NCAPD2: variants seen among roughly 807,000 people sequenced by gnomAD.
The protein encoded by NCAPD2 is non-SMC condensin I complex subunit D2.
In NCAPD2, 100 loss-of-function variants were observed where a neutral mutation model predicts 164.5. The observed-to-expected ratio is 0.61, with a 90% CI of 0.52 to 0.72. NCAPD2 has a LOEUF of 0.72. Among genes scored for constraint, NCAPD2 ranks in the 30% least tolerant of loss-of-function variants. NCAPD2 has a pLI of 0.00. For missense variants in NCAPD2, 1,560 were observed against 1,749.2 expected (o/e 0.89, Z 1.93); for synonymous variants, 585 against 642.6 (o/e 0.91, Z 1.36).
chr12:6,495,143 G>A lies in NCAPD2; in HGVS notation c.45G>A (p.Glu15=). ...AGTTCCATCTGCCATTATCCCCAGA[G>A]GAGTTGTTGAAAAGTGGAGGGGTGA... ...MYEFHLPLSP[E]ELLKSGGVNQ... The change falls in exon 2 of 32, where the codon GAG becomes GAA. Residue 15 remains glutamate (E), a synonymous_variant. Transcript: ENST00000315579. 1.2e-6 allele frequency: 2 copies of A among 1,614,116 alleles called. No individual in the cohort carries two copies. Among genetic ancestry groups the A allele is most frequent in the South Asian group, 2.2e-5 (2 of 91,078 alleles).
At chr12:6,499,553 A>T (rs1946015871) in intron 2 of NCAPD2, among the ~76,000 whole-genome samples, 1 of 151,792 alleles carries the variant, frequency 6.6e-6, no homozygotes, top group Non-Finnish European at 1.5e-5. Flanking sequence ...ACATCCAGCT[A>T]ATTTTTTTTG....
chr12:6,507,237 A>G lies in NCAPD2; in HGVS notation c.128-2480A>G, dbSNP rs1291620795. On this transcript the variant is annotated intron_variant, in intron 2 of 31. Transcript: ENST00000315579. ...AGCGATTCTACTGCCTCCACCTCCC[A>G]AAGTGCTGGGATTACAGGCTTGAGC... Among the ~76,000 whole-genome samples the G allele has an allele frequency of 2.0e-5, 3 of 152,226 alleles. No individual in the cohort carries two copies. In the East Asian group the frequency reaches 5.8e-4, roughly 29 times the overall value.
rs1467285189 is a variant in NCAPD2 at position 6,526,557 on chromosome 12, C to T, written c.2676C>T (p.Gly892=). Residue 892 remains glycine (G), a synonymous_variant, in exon 21 of 32, where the codon GGC becomes GGT. Transcript: ENST00000315579. ...PEVICAQILQ[G]CAKQALEKLE... Reference sequence around the variant, plus strand: ...TGATCTGTGCCCAGATATTGCAGGGCTGTGCAAAACAGGCCCTGGAGAAGC... The same window carrying T: ...TGATCTGTGCCCAGATATTGCAGGGTTGTGCAAAACAGGCCCTGGAGAAGC... 2.5e-6 allele frequency: 4 copies of T among 1,614,044 alleles called. No individual in the cohort carries two copies. Among genetic ancestry groups the T allele is most frequent in the African/African-American group, 1.3e-5 (1 of 74,918 alleles).
At position 6,528,722 on chromosome 12, in the gene NCAPD2, G is replaced by C; in HGVS notation, c.3343G>C (p.Val1115Leu). 6.2e-7 allele frequency: 1 copy of C among 1,614,090 alleles called. No homozygotes were observed. Among genetic ancestry groups the C allele is most frequent in the Non-Finnish European group, 8.5e-7 (1 of 1,179,966 alleles). The part of the protein sequence containing the change: ...AQQVRKTAGL[V>L]MTHLILKDMV... ...GCAAGTGCGGAAAACAGCGGGGCTG[G>C]TGATGACCCACCTGATCCTCAAGGA... The change falls in exon 26 of 32, where the codon GTG (valine) becomes CTG (leucine). Residue 1115 changes from valine (V) to leucine (L), a missense_variant. By Grantham distance (32) the Val-to-Leu change is conservative (BLOSUM62 1). Transcript: ENST00000315579. This position sits in a 1 kb window ranked among gnomAD's most constrained non-coding sequence, Gnocchi z 5.1.
chr12:6,495,676 A>G (rs902079296), intron 2 of NCAPD2, among the ~76,000 whole-genome samples: 1 of 152,224 alleles, frequency 6.6e-6, no homozygotes, highest in Non-Finnish European at 1.5e-5. Context: ...TGAGCAATAT[A>G]TGTACAGTGC....
At position 6,511,140 on chromosome 12, in the gene NCAPD2, G is replaced by A. The variant is rs763738810; in HGVS notation, c.475G>A (p.Gly159Ser). The A allele has an allele frequency of 1.2e-6, 2 of 1,614,024 alleles. No individual in the cohort carries two copies. The highest frequency in any genetic ancestry group is 2.2e-5 in the East Asian group (1 of 44,896). ...GAAAGCTCGGACCAAGGCAGCCCAT[G>A]GCTTTGACTGGGAAGAAGAGAGGCA... ...GKKARTKAAHGFDWEEERQPI... is the reference protein window; with the variant it reads ...GKKARTKAAHSFDWEEERQPI... Residue 159 changes from glycine (G) to serine (S), a missense_variant, in exon 6 of 32, where the codon GGC (glycine) becomes AGC (serine). Physicochemically the swap from Gly to Ser is moderately conservative, Grantham distance 56 (BLOSUM62 0). Coordinates refer to ENST00000315579, the MANE Select transcript of NCAPD2 (RefSeq NM_014865.4).
In NCAPD2 at chr12:6,526,971, G is replaced by A; in HGVS notation, c.2815G>A (p.Val939Ile). 2.5e-6 allele frequency: 4 copies of A among 1,614,168 alleles called. No individual in the cohort carries two copies. Among genetic ancestry groups the A allele is most frequent in the Non-Finnish European group, 3.4e-6 (4 of 1,180,036 alleles). Residue 939 changes from valine (V) to isoleucine (I), a missense_variant, in exon 22 of 32, where the codon GTC becomes ATC. By Grantham distance (29) the Val-to-Ile change is conservative. Coordinates refer to ENST00000315579, the MANE Select transcript of NCAPD2 (RefSeq NM_014865.4). ...TGGGGATGTGGCTCTGCAGCAGCTG[G>A]TCCACTTGGAGCAGGCAGTGAGTGG... Reference protein sequence around the residue: ...LAGDVALQQLVHLEQAVSGEL... With the variant: ...LAGDVALQQLIHLEQAVSGEL...
chr12:6,501,659 G>A (rs1194552714), intron 2 of NCAPD2, among the ~76,000 whole-genome samples: 2 of 152,144 alleles, frequency 1.3e-5, no homozygotes, highest in Non-Finnish European at 2.9e-5. Context: ...CGTGTAGACA[G>A]CACTTAAAGC....
chr12:6,506,600 A>G (rs1462723388), intron 2 of NCAPD2, among the ~76,000 whole-genome samples: 1 of 152,034 alleles, frequency 6.6e-6, no homozygotes, highest in African/African-American at 2.4e-5. Flanking sequence ...AAGAAAAAAA[A>G]AAAAGACATA....
intron 29 of NCAPD2, 63 bp downstream of exon 29, chr12:6,530,021 C>T: frequency 1.9e-6 from 3 of 1,545,144 alleles, no homozygotes; most frequent in African/African-American, 1.4e-5. Context: ...ATCTGCCGGC[C>T]CTGGGCAGCA....
At chr12:6,513,262 C>T (rs1261394926) in intron 6 of NCAPD2, among the ~76,000 whole-genome samples, 1 of 152,110 alleles carries the variant, frequency 6.6e-6, no homozygotes, top group African/African-American at 2.4e-5. Context: ...AGTGAGGATG[C>T]CGGGTGCATG....
chr12:6,528,074 C>T lies in NCAPD2; in HGVS notation c.3126C>T (p.Gly1042=). 1 of 1,614,246 alleles carries T rather than the reference C, an allele frequency of 6.2e-7. No homozygotes were observed. The highest frequency in any genetic ancestry group is 8.5e-7 in the Non-Finnish European group (1 of 1,180,048). The part of the protein sequence containing the change: ...DLSAAASLAL[G]KFCMISATFC... ...CTGCAGCTGCTTCACTTGCCCTTGG[C>T]AAGTTCTGCATGATCAGGTAGGCCG... The change falls in exon 24 of 32, where the codon GGC becomes GGT. Residue 1042 remains glycine, a synonymous_variant. Transcript: ENST00000315579. The surrounding 1 kb of genome is among the most constrained non-coding windows in gnomAD (Gnocchi z 5.1).
In NCAPD2 at chr12:6,518,507, T is replaced by TTTTG. The variant is rs1325207646; in HGVS notation, c.1589+551_1589+552insGTTT. On this transcript the variant is annotated intron_variant, in intron 13 of 31. Transcript: ENST00000315579. ...AAGCCCTTACAGCCGTCAACAAGTT[T>TTTTG]TTTTTTTTTTTTTTTTTTTTTTTTT... 4.5e-3 allele frequency among the ~76,000 whole-genome samples: 396 copies of TTTTG among 88,296 alleles called. 55 individuals are homozygous for TTTTG. The highest frequency in any genetic ancestry group is 0.02 in the African/African-American group (364 of 17,898). 57.9% of individuals were successfully genotyped at this position (88,296 alleles called of 152,430 possible). A position where few individuals can be genotyped will look rare whatever the true frequency, so the allele number is the denominator to read the frequency against.
chr12:6,527,791 G>A lies in NCAPD2; in HGVS notation c.2922G>A (p.Glu974=). The A allele has an allele frequency of 1.9e-6, 3 of 1,612,656 alleles. No individual in the cohort carries two copies. Among genetic ancestry groups the A allele is most frequent in the Non-Finnish European group, 2.5e-6 (3 of 1,178,854 alleles). The change falls in exon 23 of 32, where the codon GAG becomes GAA. Residue 974 remains glutamate, a synonymous_variant. Coordinates refer to ENST00000315579, the MANE Select transcript of NCAPD2 (RefSeq NM_014865.4). The stretch of plus-strand genomic sequence containing the variant: ...ATTCCCTTTAGAATACGAGCTCTGA[G>A]ACCACCATGGAGGAGGAGCTGGGGC... ...KDPKEKNTSS[E]TTMEEELGLV...
chr12:6,516,707 C>T (rs987679457), intron 9 of NCAPD2, 121 bp from the exon 10 acceptor site: 6 of 952,628 alleles, frequency 6.3e-6, no homozygotes, highest in Non-Finnish European at 4.7e-6. Context: ...CTTTGGGATT[C>T]AGCTTTCTCC....
At chr12:6,525,987 G>C in intron 18 of NCAPD2, 81 bp from the exon 19 acceptor site, 1 of 1,542,306 alleles carries the variant, frequency 6.5e-7, no homozygotes. Flanking sequence ...ATGAGGTGCT[G>C]GTACCTACCC....
At position 6,526,984 on chromosome 12, in the gene NCAPD2, A is replaced by T. The variant is rs781689943; in HGVS notation, c.2828A>T (p.Gln943Leu). The change falls in exon 22 of 32, where the codon CAG (glutamine) becomes CTG (leucine). Residue 943 changes from glutamine to leucine, a missense_variant. By Grantham distance (113) the Gln-to-Leu change is moderately radical (BLOSUM62 -2). Coordinates refer to ENST00000315579, the MANE Select transcript of NCAPD2 (RefSeq NM_014865.4). The part of the protein sequence containing the change: ...VALQQLVHLE[Q>L]AVSGELCRRR... ...CTGCAGCAGCTGGTCCACTTGGAGCAGGCAGTGAGTGGAGAGCTCTGCCGG... is the reference window on the plus strand; with the variant it reads ...CTGCAGCAGCTGGTCCACTTGGAGCTGGCAGTGAGTGGAGAGCTCTGCCGG... 1.1e-5 allele frequency: 18 copies of T among 1,614,182 alleles called. No homozygotes were observed. The South Asian group carries it at 1.8e-4, about 16-fold the overall frequency.
intron 18 of NCAPD2, 134 bp from the exon 19 acceptor site, chr12:6,525,934 G>A: frequency 1.5e-6 from 2 of 1,304,950 alleles, no homozygotes; most frequent in South Asian, 2.9e-5. Flanking sequence ...GGCTGGCCCT[G>A]CGGCAGAGCC....
intron 9 of NCAPD2, among the ~76,000 whole-genome samples, chr12:6,515,557 A>G (rs535286636): frequency 4.6e-5 from 7 of 152,144 alleles, no homozygotes; most frequent in Non-Finnish European, 1.0e-4. Context: ...TTGCTTCCTC[A>G]AACAATGAAC....
Sources: allele counts gnomAD v4.1 joint callset (sites outside exome capture counted in the v4.1 genomes callset), GRCh38; gene constraint gnomAD v4.1.1; non-coding constraint Gnocchi (gnomAD v3.1); transcripts MANE v1.5; gene names NCBI Gene and HGNC (gene_info 2026-07-23, HGNC 2026-07-21).